The following SLC8A3 variants were observed in gnomAD, a reference collection of about 807,000 sequenced individuals.
The protein encoded by SLC8A3 is sodium/calcium exchanger 3.
SLC8A3 carries 37 observed loss-of-function variants against 65.4 expected under a neutral mutation model. That is an observed-to-expected ratio of 0.57 (90% CI 0.44 to 0.74). The LOEUF (loss-of-function observed/expected upper bound fraction) is 0.74. Among genes scored for constraint, SLC8A3 ranks in the 30% least tolerant of loss-of-function variants. The pLI is 0.00. For missense variants in SLC8A3, 1,112 were observed against 1,172.1 expected (o/e 0.95, Z 0.75); for synonymous variants, 461 against 444.5 (o/e 1.04, Z -0.47).
rs55890014 is a variant in SLC8A3, at chr14:70,116,321, C to CTGTGTGTGTG, written c.1784+50308_1784+50317dup. On this transcript the variant is annotated intron_variant, in intron 2 of 6. Coordinates refer to ENST00000356921, the MANE Select transcript of SLC8A3 (RefSeq NM_182932.3). The stretch of plus-strand genomic sequence containing the variant: ...AACTAAATGGCGAGCATTGAGAACA[C>CTGTGTGTGTG]TGTGTGTGTGTGTGTGTGTGTGTGT... Among the ~76,000 whole-genome samples, 1,360 of 147,736 alleles carry CTGTGTGTGTG rather than the reference C, an allele frequency of 9.2e-3. 21 individuals are homozygous for CTGTGTGTGTG. Among genetic ancestry groups the CTGTGTGTGTG allele is most frequent in the African/African-American group, 0.031 (1,232 of 39,734 alleles).
rs190519388 is a variant in SLC8A3, at chr14:70,147,234, G to C, written c.1784+19405C>G. 4.0e-3 allele frequency among the ~76,000 whole-genome samples: 616 copies of C among 152,318 alleles called. 8 individuals carry two copies. Among genetic ancestry groups the C allele is most frequent in the Non-Finnish European group, 7.0e-3 (475 of 68,020 alleles). On this transcript the variant is annotated intron_variant, in intron 2 of 6. Coordinates refer to ENST00000356921, the MANE Select transcript of SLC8A3 (RefSeq NM_182932.3). The stretch of plus-strand genomic sequence containing the variant: ...GGGAAATTGTTATATACTTGTGTCT[G>C]CTATCTGCAAGACTTTTCCAGCCTA...
chr14:70,078,003 G>C (rs1392443124), intron 2 of SLC8A3, among the ~76,000 whole-genome samples: 1 of 152,224 alleles, frequency 6.6e-6, no homozygotes, highest in Non-Finnish European at 1.5e-5. Context: ...GGAAAGCCTA[G>C]AGTTATAGAG....
At chr14:70,108,783 C>T (rs1221447155) in intron 2 of SLC8A3, among the ~76,000 whole-genome samples, 1 of 152,192 alleles carries the variant, frequency 6.6e-6, no homozygotes, top group East Asian at 1.9e-4. Context: ...TTTCCTATTG[C>T]ATTGAAATTC....
At chr14:70,159,696 G>A (rs965175044) in intron 2 of SLC8A3, among the ~76,000 whole-genome samples, 1 of 152,238 alleles carries the variant, frequency 6.6e-6, no homozygotes, top group African/African-American at 2.4e-5. Context: ...ACCCAGAAGA[G>A]TCCAGAGAAA....
chr14:70,173,645 C>G (rs1375168378), intron 1 of SLC8A3, among the ~76,000 whole-genome samples: 1 of 152,198 alleles, frequency 6.6e-6, no homozygotes, highest in Non-Finnish European at 1.5e-5. Context: ...TTGTCCCACT[C>G]TGCTTCTAAA....
At chr14:70,048,203 C>T (rs114149660) in intron 6 of SLC8A3, 5,316 of 170,826 alleles carry the variant, frequency 0.031, 304 homozygotes, top group African/African-American at 0.12. Flanking sequence ...CTTTGGCTGT[C>T]CTGCTAGGAG....
At chr14:70,132,558 G>T (rs1439600135) in intron 2 of SLC8A3, among the ~76,000 whole-genome samples, 2 of 152,182 alleles carry the variant, frequency 1.3e-5, no homozygotes, top group Non-Finnish European at 2.9e-5. Context: ...TCTGGCTGCG[G>T]TGACCTGCTG....
At chr14:70,161,426 A>T (rs1896889569) in intron 2 of SLC8A3, among the ~76,000 whole-genome samples, 1 of 151,966 alleles carries the variant, frequency 6.6e-6, no homozygotes, top group South Asian at 2.1e-4. Context: ...CCATTCAACA[A>T]CTGGCTCAGA....
rs1886488273 is a variant in SLC8A3 at position 70,044,224 on chromosome 14, A to G, written c.*1723T>C. On this transcript the variant is annotated 3_prime_UTR_variant, in exon 7 of 7. Coordinates refer to ENST00000356921, the MANE Select transcript of SLC8A3 (RefSeq NM_182932.3). ...ACAGGTAGAAGCAAGCTGTATGTAGAGAGATATAGTATAGCTTTTATTTTT... is the reference window on the plus strand; with the variant it reads ...ACAGGTAGAAGCAAGCTGTATGTAGGGAGATATAGTATAGCTTTTATTTTT... 1 of 152,212 alleles carries G rather than the reference A, an allele frequency of 6.6e-6. No individual in the cohort carries two copies. The highest frequency in any genetic ancestry group is 2.4e-5 in the African/African-American group (1 of 41,450). The allele number at this position is 152,212 out of a possible 1,614,324, so 9.4% of individuals were successfully genotyped here. A position where few individuals can be genotyped will look rare whatever the true frequency, so the allele number is the denominator to read the frequency against.
At chr14:70,073,204 G>A (rs1890170619) in intron 2 of SLC8A3, among the ~76,000 whole-genome samples, 1 of 152,160 alleles carries the variant, frequency 6.6e-6, no homozygotes. Context: ...AGTGGGCTGA[G>A]GGTTAGGAAC....
chr14:70,140,408 C>T (rs1895487040), intron 2 of SLC8A3, among the ~76,000 whole-genome samples: 2 of 152,086 alleles, frequency 1.3e-5, no homozygotes, highest in South Asian at 2.1e-4. Flanking sequence ...AATAACTTAC[C>T]AAAAGCCACA....
At chr14:70,049,801 A>G (rs938501895) in intron 5 of SLC8A3, among the ~76,000 whole-genome samples, 2 of 152,194 alleles carry the variant, frequency 1.3e-5, no homozygotes, top group African/African-American at 4.8e-5. Flanking sequence ...CTGTCCCCTG[A>G]GGGATGGCTG....
intron 2 of SLC8A3, among the ~76,000 whole-genome samples, chr14:70,099,923 A>T (rs1278940515): frequency 6.6e-6 from 1 of 152,192 alleles, no homozygotes; most frequent in Non-Finnish European, 1.5e-5. Context: ...CTGGTCCATT[A>T]TGCACGAGAC....
At chr14:70,058,964 G>A (rs1888464290) in intron 3 of SLC8A3, 2 of 152,258 alleles carry the variant, frequency 1.3e-5, no homozygotes, top group South Asian at 2.1e-4. Context: ...ATGAGGTAGG[G>A]CAGGTGCTGA....
intron 2 of SLC8A3, among the ~76,000 whole-genome samples, chr14:70,065,858 C>A (rs1043284559): frequency 6.6e-6 from 1 of 152,152 alleles, no homozygotes; most frequent in African/African-American, 2.4e-5. Flanking sequence ...GAAATCAGGT[C>A]ATGAAAGGTT....
At chr14:70,123,635 A>C (rs1444580672) in intron 2 of SLC8A3, among the ~76,000 whole-genome samples, 1 of 152,080 alleles carries the variant, frequency 6.6e-6, no homozygotes, top group Non-Finnish European at 1.5e-5. Context: ...TTTTCAGTAG[A>C]GACAGGGTTT....
intron 2 of SLC8A3, among the ~76,000 whole-genome samples, chr14:70,089,505 G>A (rs942319455): frequency 9.2e-5 from 14 of 152,152 alleles, no homozygotes; most frequent in African/African-American, 3.4e-4. Flanking sequence ...AAAGAGGTGG[G>A]GATTGTGGAG....
intron 2 of SLC8A3, among the ~76,000 whole-genome samples, chr14:70,080,752 G>T (rs1594951534): frequency 6.6e-6 from 1 of 152,176 alleles, no homozygotes; most frequent in East Asian, 1.9e-4. Flanking sequence ...TGTGCACGGA[G>T]CTCCATACAC....
chr14:70,136,527 C>A (rs918857084), intron 2 of SLC8A3, among the ~76,000 whole-genome samples: 1 of 152,214 alleles, frequency 6.6e-6, no homozygotes, highest in Non-Finnish European at 1.5e-5. Flanking sequence ...AATGAGCCCA[C>A]TCGCCTTTGC....
Sources: allele counts gnomAD v4.1 joint callset (sites outside exome capture counted in the v4.1 genomes callset), GRCh38; gene constraint gnomAD v4.1.1; transcripts MANE v1.5; gene names NCBI Gene and HGNC (gene_info 2026-07-23, HGNC 2026-07-21).